The following INSL6 variants were observed in gnomAD, a reference collection of about 807,000 sequenced individuals.
INSL6 encodes the protein insulin like 6, also known as insulin-like peptide INSL6.
In INSL6, 16 loss-of-function variants were observed where a neutral mutation model predicts 9.4. The observed-to-expected ratio is 1.70, with a 90% confidence interval of 1.15 to 2.59. The LOEUF (loss-of-function observed/expected upper bound fraction) is 2.59, where lower values mean the gene tolerates loss of function less well. Ranked by LOEUF, INSL6 falls within the 30% of genes most tolerant of loss-of-function variation. The pLI is 0.00. For synonymous variants in INSL6, 154 were observed against 96.9 expected, an observed-to-expected ratio of 1.59 and a Z score of -3.46; for missense variants, 391 against 257.3, an observed-to-expected ratio of 1.52 and a Z score of -3.56.
At chr9:5,004,459 C>T in the INSL6 span, among the ~76,000 whole-genome samples, 27 of 152,072 alleles carry the variant, frequency 1.8e-4, no homozygotes, top group African/African-American at 6.5e-4. Context: ...TTGTAAATGA[C>T]AAGATTTTCT....
chr9:5,066,881 G>C, the INSL6 span: 1 of 498,310 alleles, frequency 2.0e-6, no homozygotes, highest in Non-Finnish European at 3.4e-6. Context: ...TTTTAATACT[G>C]AGAATTATAG....
chr9:5,088,567 C>T, the INSL6 span, among the ~76,000 whole-genome samples: 2 of 152,016 alleles, frequency 1.3e-5, no homozygotes, highest in Non-Finnish European at 2.9e-5. Flanking sequence ...AGAGTCATCC[C>T]ATAGGCTAAA....
At chr9:5,176,684 C>G (rs779056810) in intron 1 of INSL6, among the ~76,000 whole-genome samples, 2 of 150,342 alleles carry the variant, frequency 1.3e-5, no homozygotes, top group Non-Finnish European at 2.9e-5. Context: ...TAAATGCGTG[C>G]CCTTTAAGCC....
chr9:5,083,713 C>A, the INSL6 span, among the ~76,000 whole-genome samples: 1 of 151,976 alleles, frequency 6.6e-6, no homozygotes, highest in Non-Finnish European at 1.5e-5. Flanking sequence ...ACAAAGAATA[C>A]ATCAAAAGAT....
chr9:5,167,769 C>T (rs1259668055), intron 1 of INSL6, among the ~76,000 whole-genome samples: 1 of 152,190 alleles, frequency 6.6e-6, no homozygotes, highest in African/African-American at 2.4e-5. Flanking sequence ...TTAAGTGGGT[C>T]CCTGATCCTA....
At chr9:5,169,792 G>C (rs1825138126) in intron 1 of INSL6, among the ~76,000 whole-genome samples, 1 of 152,146 alleles carries the variant, frequency 6.6e-6, no homozygotes, top group Non-Finnish European at 1.5e-5. Context: ...ATGGTAAACA[G>C]GTCAATTCAA....
At chr9:5,160,745 A>C (rs1003423776), downstream of INSL6, among the ~76,000 whole-genome samples, 1 of 152,164 alleles carries the variant, frequency 6.6e-6, no homozygotes, top group Non-Finnish European at 1.5e-5. Flanking sequence ...AAAATTAGAG[A>C]TAAAAAGGAG....
At chr9:5,170,016 C>T (rs1011128652) in intron 1 of INSL6, among the ~76,000 whole-genome samples, 1 of 152,160 alleles carries the variant, frequency 6.6e-6, no homozygotes, top group Non-Finnish European at 1.5e-5. Flanking sequence ...ATCAAATGGA[C>T]CTGATAGATA....
the INSL6 span, among the ~76,000 whole-genome samples, chr9:5,027,701 T>C: frequency 6.6e-6 from 1 of 152,248 alleles, no homozygotes. Context: ...TAAGTTGATG[T>C]AGTATTATAA....
the INSL6 span, among the ~76,000 whole-genome samples, chr9:5,073,306 C>A: frequency 6.6e-6 from 1 of 152,190 alleles, no homozygotes; most frequent in Non-Finnish European, 1.5e-5. Context: ...TTTATCTGCA[C>A]ATTCTTAATT....
chr9:5,035,577 A>T, the INSL6 span, among the ~76,000 whole-genome samples: 1 of 152,256 alleles, frequency 6.6e-6, no homozygotes, highest in East Asian at 1.9e-4. Flanking sequence ...GGCTGGTTCA[A>T]CATATGCAAA....
At chr9:5,020,500 G>A in the INSL6 span, among the ~76,000 whole-genome samples, 1 of 152,186 alleles carries the variant, frequency 6.6e-6, no homozygotes. Flanking sequence ...AGCAGTGGCT[G>A]TGCTGTGCCC....
At chr9:5,001,750 A>G in the INSL6 span, among the ~76,000 whole-genome samples, 1 of 152,080 alleles carries the variant, frequency 6.6e-6, no homozygotes, top group South Asian at 2.1e-4. Flanking sequence ...CAGAATTGGT[A>G]CTATTTTTTC....
downstream of INSL6, among the ~76,000 whole-genome samples, chr9:5,159,471 C>T (rs997486443): frequency 1.2e-4 from 18 of 151,300 alleles, no homozygotes; most frequent in Non-Finnish European, 1.9e-4. Context: ...ATTTTCCATG[C>T]CAATGGAAAC....
the INSL6 span, chr9:5,021,864 C>T: frequency 1.6e-6 from 1 of 644,608 alleles, no homozygotes; most frequent in Non-Finnish European, 2.7e-6. Context: ...AACTTCTGGG[C>T]TCAAGCTATC....
the INSL6 span, among the ~76,000 whole-genome samples, chr9:5,056,634 G>T: frequency 1.3e-4 from 19 of 151,996 alleles, no homozygotes; most frequent in Admixed American, 5.9e-4. Context: ...ATGTGTGTTT[G>T]TACCCCCTAC....
At chr9:4,998,046 T>A in the INSL6 span, among the ~76,000 whole-genome samples, 1 of 152,236 alleles carries the variant, frequency 6.6e-6, no homozygotes, top group Non-Finnish European at 1.5e-5. Flanking sequence ...TTCATACTGA[T>A]TTAAACAACT....
chr9:5,040,911 G>C, the INSL6 span: 3 of 321,564 alleles, frequency 9.3e-6, no homozygotes, highest in South Asian at 5.3e-5. Context: ...CGGCCACCCA[G>C]ACGCTGCCGG....
the INSL6 span, chr9:5,094,003 C>T: frequency 1.3e-5 from 2 of 152,164 alleles, no homozygotes; most frequent in Non-Finnish European, 2.9e-5. Flanking sequence ...GAAATCACCA[C>T]ACACCCAAGA....
Sources: gnomAD v4.1 joint callset for allele counts (sites outside exome capture counted in the v4.1 genomes callset) on GRCh38, gnomAD v4.1.1 for gene constraint, MANE v1.5 for transcripts, NCBI Gene and HGNC (gene_info 2026-07-23, HGNC 2026-07-21) for gene names.